The following FHIT variants were observed in gnomAD, a reference collection of about 807,000 sequenced individuals.
FHIT encodes the protein bis(5'-adenosyl)-triphosphatase.
Under a neutral mutation model 17.9 loss-of-function variants are expected in FHIT, and 19 were observed. The ratio of observed to expected loss-of-function variants is 1.06; its 90% CI spans 0.74 to 1.56. The LOEUF (loss-of-function observed/expected upper bound fraction) is 1.56, where lower values mean the gene tolerates loss of function less well. Ranked by LOEUF, FHIT falls within the 40% of genes most tolerant of loss-of-function variation. The pLI is 0.00. For synonymous variants in FHIT, 81 were observed against 69.7 expected, an observed-to-expected ratio of 1.16 and a Z score of -0.81; for missense variants, 248 against 189.2, an observed-to-expected ratio of 1.31 and a Z score of -1.82.
At chr3:60,582,131 G>A (rs1249020303) in intron 4 of FHIT, among the ~76,000 whole-genome samples, 1 of 152,026 alleles carries the variant, frequency 6.6e-6, no homozygotes, top group Non-Finnish European at 1.5e-5. Flanking sequence ...AAAAAATACT[G>A]ATGCCTAGAT....
intron 5 of FHIT, among the ~76,000 whole-genome samples, chr3:60,453,755 C>T (rs911302621): frequency 1.3e-5 from 2 of 152,058 alleles, no homozygotes; most frequent in Admixed American, 6.5e-5. Context: ...TAGTATATGC[C>T]CAGTGAATAT....
intron 5 of FHIT, among the ~76,000 whole-genome samples, chr3:60,383,093 A>T (rs1242607559): frequency 6.6e-6 from 1 of 152,224 alleles, no homozygotes; most frequent in Admixed American, 6.5e-5. Flanking sequence ...TCTGAGTTAC[A>T]TTACTAAAAT....
At chr3:60,865,211 T>C (rs1553753593) in intron 3 of FHIT, among the ~76,000 whole-genome samples, 2 of 152,190 alleles carry the variant, frequency 1.3e-5, no homozygotes, top group Non-Finnish European at 2.9e-5. Context: ...AAAAAAATCA[T>C]AGGTATTTGG....
At chr3:60,842,646 T>TATATATATATATATATATATATA (rs1491100730) in intron 3 of FHIT, among the ~76,000 whole-genome samples, 2 of 80,286 alleles carry the variant, frequency 2.5e-5, no homozygotes, top group African/African-American at 1.0e-4. Flanking sequence ...TATATATATA[T>TATATATATATATATATATATATA]TTTTTTTTTT....
intron 3 of FHIT, among the ~76,000 whole-genome samples, chr3:60,834,846 C>A (rs1419443216): frequency 2.8e-5 from 4 of 142,310 alleles, no homozygotes; most frequent in African/African-American, 1.1e-4. Context: ...GCTTGGGGAA[C>A]TGAGTGAGAC....
At chr3:61,245,012 A>C (rs2040456775) in intron 1 of FHIT, among the ~76,000 whole-genome samples, 1 of 152,174 alleles carries the variant, frequency 6.6e-6, no homozygotes, top group Non-Finnish European at 1.5e-5. Flanking sequence ...CGACCCCATA[A>C]TACGCCAACT....
At chr3:60,364,751 A>G (rs1474497898) in intron 5 of FHIT, among the ~76,000 whole-genome samples, 1 of 152,210 alleles carries the variant, frequency 6.6e-6, no homozygotes, top group Admixed American at 6.5e-5. Flanking sequence ...TGAACTGAGT[A>G]CAACAGATAT....
chr3:60,361,710 A>G (rs1699913004), intron 5 of FHIT, among the ~76,000 whole-genome samples: 4 of 152,158 alleles, frequency 2.6e-5, no homozygotes, highest in African/African-American at 9.7e-5. Flanking sequence ...AGAGAGAGAC[A>G]GATTTTACCC....
At chr3:60,613,514 C>A (rs1209656694) in intron 4 of FHIT, among the ~76,000 whole-genome samples, 1 of 151,902 alleles carries the variant, frequency 6.6e-6, no homozygotes, top group Non-Finnish European at 1.5e-5. Context: ...TGAAGAGTAC[C>A]TTTTGCATGG....
chr3:60,276,779 G>A (rs1282590704), intron 5 of FHIT, among the ~76,000 whole-genome samples: 3 of 152,086 alleles, frequency 2.0e-5, no homozygotes, highest in Non-Finnish European at 4.4e-5. Context: ...AGAAAACAAA[G>A]GCGAGCCAGC....
At chr3:61,010,264 T>C (rs9836987) in intron 3 of FHIT, among the ~76,000 whole-genome samples, 137,313 of 152,158 alleles carry the variant, frequency 0.9, 62,060 homozygotes, top group East Asian at 0.99. Context: ...TGATCTTATA[T>C]TTGTATCAAA....
At chr3:59,842,910 T>C (rs952902145) in intron 8 of FHIT, among the ~76,000 whole-genome samples, 2 of 136,284 alleles carry the variant, frequency 1.5e-5, no homozygotes, top group African/African-American at 5.0e-5. Context: ...ATGTTTTTCA[T>C]TTAAGTCCAA....
intron 5 of FHIT, among the ~76,000 whole-genome samples, chr3:60,124,705 A>G (rs1450665869): frequency 6.6e-6 from 1 of 152,214 alleles, no homozygotes; most frequent in Non-Finnish European, 1.5e-5. Context: ...TCCTTAGGTT[A>G]TACTCCTTAG....
At chr3:60,369,168 TCA>T (rs1388069359) in intron 5 of FHIT, among the ~76,000 whole-genome samples, 1 of 150,100 alleles carries the variant, frequency 6.7e-6, no homozygotes, top group Non-Finnish European at 1.5e-5. Context: ...AGGGGGTCTC[TCA>T]CCATGTTGCC....
intron 5 of FHIT, among the ~76,000 whole-genome samples, chr3:60,385,778 A>G (rs923564550): frequency 6.6e-6 from 1 of 151,982 alleles, no homozygotes; most frequent in African/African-American, 2.4e-5. Flanking sequence ...GTGTCTTACT[A>G]CATTGCCTAG....
chr3:60,517,114 T>C (rs192829046), intron 5 of FHIT, among the ~76,000 whole-genome samples: 2 of 152,160 alleles, frequency 1.3e-5, no homozygotes, highest in African/African-American at 4.8e-5. Context: ...TTCCAAGGTA[T>C]CTCTTAATGA....
At chr3:60,154,707 T>C (rs962068448) in intron 5 of FHIT, among the ~76,000 whole-genome samples, 1 of 152,228 alleles carries the variant, frequency 6.6e-6, no homozygotes, top group Non-Finnish European at 1.5e-5. Context: ...AATGGAACTA[T>C]GATTAAAAGG....
At chr3:60,720,915 T>A (rs2041795405) in intron 4 of FHIT, among the ~76,000 whole-genome samples, 1 of 152,148 alleles carries the variant, frequency 6.6e-6, no homozygotes. Flanking sequence ...AAACTCTCCA[T>A]CTATTACCCA....
At chr3:60,144,229 G>A (rs1030387894) in intron 5 of FHIT, among the ~76,000 whole-genome samples, 1 of 152,206 alleles carries the variant, frequency 6.6e-6, no homozygotes, top group Non-Finnish European at 1.5e-5. Context: ...TGAAACTCAT[G>A]AGCAAGGCTG....
Sources: gnomAD v4.1 joint callset for allele counts (sites outside exome capture counted in the v4.1 genomes callset) on GRCh38, gnomAD v4.1.1 for gene constraint, MANE v1.5 for transcripts, NCBI Gene and HGNC (gene_info 2026-07-23, HGNC 2026-07-21) for gene names.